The following AP4E1 variants were observed in gnomAD, a reference collection of about 807,000 sequenced individuals.
AP4E1 encodes adaptor related protein complex 4 subunit epsilon 1, also known as AP-4 complex subunit epsilon-1.
Under a neutral mutation model 128.2 loss-of-function variants are expected in AP4E1, and 56 were observed. The ratio of observed to expected loss-of-function variants is 0.44; its 90% confidence interval spans 0.35 to 0.55. The LOEUF (loss-of-function observed/expected upper bound fraction) is 0.55. AP4E1 is among the 20% of genes least tolerant of loss of function. The probability of loss-of-function intolerance (pLI) is 0.00; values close to 1 mark genes in which losing one functional copy is unlikely to be tolerated. For missense variants in AP4E1, 1,324 were observed against 1,307.7 expected (o/e 1.01, Z -0.19); for synonymous variants, 484 against 473.1 (o/e 1.02, Z -0.30).
At chr15:50,914,482 C>G (rs1266380299) in intron 2 of AP4E1, among the ~76,000 whole-genome samples, 1 of 151,904 alleles carries the variant, frequency 6.6e-6, no homozygotes, top group African/African-American at 2.4e-5. Context: ...GAAACCCCAT[C>G]TCTACTAAAT....
intron 16 of AP4E1, 78 bp from the exon 17 acceptor site, chr15:50,993,292 T>G: frequency 6.7e-7 from 1 of 1,482,990 alleles, no homozygotes; most frequent in Non-Finnish European, 9.4e-7. Flanking sequence ...GGCATTGATA[T>G]GTTTTGAAAG....
chr15:50,948,743 C>T (rs1465519886), intron 11 of AP4E1, among the ~76,000 whole-genome samples: 4 of 151,944 alleles, frequency 2.6e-5, no homozygotes, highest in African/African-American at 4.8e-5. Context: ...GAGGCTGAGG[C>T]GGGTGGATCA....
chr15:50,908,684 G>A lies in AP4E1; in HGVS notation c.-95G>A. The A allele has an allele frequency of 7.5e-7, 1 of 1,330,138 alleles. No individual in the cohort carries two copies. Among genetic ancestry groups the A allele is most frequent in the Non-Finnish European group, 9.8e-7 (1 of 1,025,330 alleles). The allele number at this position is 1,330,138 out of a possible 1,614,324, so 82.4% of individuals were successfully genotyped here. On this transcript the variant is annotated 5_prime_UTR_variant, in exon 1 of 21. In the 5' UTR this introduces an upstream ATG that the reference lacks. Coordinates refer to ENST00000261842, the MANE Select transcript of AP4E1 (RefSeq NM_007347.5). Reference sequence around the variant, plus strand: ...AGATTTCTTATTCAAAAAACAGGAAGTGCCTACGGAGGCCGGGCCGGCAGC... The same window carrying A: ...AGATTTCTTATTCAAAAAACAGGAAATGCCTACGGAGGCCGGGCCGGCAGC...
At chr15:50,965,054 T>G (rs969018762) in intron 14 of AP4E1, among the ~76,000 whole-genome samples, 3 of 151,588 alleles carry the variant, frequency 2.0e-5, no homozygotes, top group African/African-American at 7.3e-5. Context: ...TTTACCTTCC[T>G]CCATAAGTAA....
intron 1 of AP4E1, among the ~76,000 whole-genome samples, chr15:50,911,193 A>G (rs186927649): frequency 5.6e-4 from 86 of 152,292 alleles, no homozygotes; most frequent in Middle Eastern, 6.8e-3. Context: ...CCAAAAAAAA[A>G]TGGGGCCAAT....
At chr15:50,970,547 G>A (rs2064464371) in intron 15 of AP4E1, among the ~76,000 whole-genome samples, 1 of 152,150 alleles carries the variant, frequency 6.6e-6, no homozygotes, top group Non-Finnish European at 1.5e-5. Context: ...ATGCTCTGGT[G>A]TTGGGTACAT....
At chr15:50,973,848 G>C (rs1329447323) in intron 15 of AP4E1, among the ~76,000 whole-genome samples, 1 of 152,068 alleles carries the variant, frequency 6.6e-6, no homozygotes, top group African/African-American at 2.4e-5. Flanking sequence ...TCACGTCTTG[G>C]TTATTATGAA....
chr15:50,934,839 A>G lies in AP4E1; in HGVS notation c.943+142A>G, dbSNP rs1275793649. On this transcript the variant is annotated intron_variant, in intron 8 of 20. Coordinates refer to ENST00000261842, the MANE Select transcript of AP4E1 (RefSeq NM_007347.5). The stretch of plus-strand genomic sequence containing the variant: ...AGTTCTTTGGATTATTATTTTTTCA[A>G]TGTAAGCATTTAATTACTGATAGAT... 1.0e-5 allele frequency: 6 copies of G among 596,082 alleles called. No homozygotes were observed. The South Asian group carries it at 1.4e-4, about 14-fold the overall frequency. 36.9% of individuals were successfully genotyped at this position (596,082 alleles called of 1,614,324 possible).
At chr15:50,974,373 C>T (rs1198861696) in intron 15 of AP4E1, among the ~76,000 whole-genome samples, 1 of 151,004 alleles carries the variant, frequency 6.6e-6, no homozygotes, top group Non-Finnish European at 1.5e-5. Flanking sequence ...CTCAAGTGAT[C>T]CTACTGCCTC....
At chr15:50,991,788 G>A (rs919424031) in intron 16 of AP4E1, among the ~76,000 whole-genome samples, 5 of 151,856 alleles carry the variant, frequency 3.3e-5, no homozygotes, top group African/African-American at 1.2e-4. Context: ...AAATCACATT[G>A]ATCATGATTC....
chr15:50,925,343 CA>C, intron 5 of AP4E1, 124 bp downstream of exon 5: 1 of 995,238 alleles, frequency 1.0e-6, no homozygotes, highest in Non-Finnish European at 1.5e-6. Flanking sequence ...AGGAATAATA[CA>C]AAAATCTTCA....
rs1005705320 is a variant in AP4E1 at position 50,925,356 on chromosome 15, T to C, written c.542+137T>C. 3.3e-6 allele frequency: 3 copies of C among 909,956 alleles called. 1 individual carries two copies. In the African/African-American group the frequency reaches 5.0e-5, roughly 15 times the overall value. 56.4% of individuals were successfully genotyped at this position (909,956 alleles called of 1,614,324 possible). A position where few individuals can be genotyped will look rare whatever the true frequency, so the allele number is the denominator to read the frequency against. ...CTAGGAATAATACAAAAATCTTCAA[T>C]AGGATCATCTTTATTTTTATGTGGG... On this transcript the variant is annotated intron_variant, in intron 5 of 20. Transcript: ENST00000261842.
upstream of AP4E1, chr15:50,908,507 G>C (rs572704481): frequency 7.9e-6 from 3 of 380,954 alleles, no homozygotes; most frequent in Non-Finnish European, 1.4e-5. Flanking sequence ...GGTTCTGGGG[G>C]ATTCCGGAAC....
At chr15:50,963,351 CCACCAGTGGA>C (rs1485729360) in intron 14 of AP4E1, among the ~76,000 whole-genome samples, 1 of 152,148 alleles carries the variant, frequency 6.6e-6, no homozygotes, top group Non-Finnish European at 1.5e-5. Context: ...ACCTAAGTGT[CCACCAGTGGA>C]CACATGGATA....
In AP4E1 at chr15:51,002,736, G is replaced by T. The variant is rs1475589118; in HGVS notation, c.*74G>T. On this transcript the variant is annotated 3_prime_UTR_variant, in exon 21 of 21. Transcript: ENST00000261842. ...ATAAACTTATTTACCAAAGTAAAAA[G>T]AACTCATGGTACTTCTAATGAAAAT... 2.6e-6 allele frequency: 4 copies of T among 1,542,388 alleles called. No individual in the cohort carries two copies. In the Admixed American group the frequency reaches 6.9e-5, roughly 27 times the overall value.
chr15:50,986,901 A>G (rs2064733523), intron 16 of AP4E1, among the ~76,000 whole-genome samples: 1 of 152,070 alleles, frequency 6.6e-6, no homozygotes, highest in Non-Finnish European at 1.5e-5. Flanking sequence ...TCCTCCTTGT[A>G]CCTCTGGTAG....
intron 2 of AP4E1, among the ~76,000 whole-genome samples, chr15:50,915,076 A>G (rs1699547792): frequency 6.6e-6 from 1 of 152,218 alleles, no homozygotes; most frequent in Admixed American, 6.5e-5. Context: ...GACAAAGTCT[A>G]CTAAAATTAT....
chr15:50,930,699 ATAAACT>A (rs1419308936), intron 6 of AP4E1, 100 bp from the exon 7 acceptor site: 4 of 1,119,448 alleles, frequency 3.6e-6, no homozygotes, highest in Admixed American at 1.9e-5. Flanking sequence ...AAATGTGAAC[ATAAACT>A]TAAGTATGTA....
chr15:50,944,542 T>C (rs989972277), intron 10 of AP4E1: 2 of 181,320 alleles, frequency 1.1e-5, no homozygotes, highest in Admixed American at 1.2e-4. Flanking sequence ...GGGTGACCTA[T>C]GTATTTTTAG....
Sources: gnomAD v4.1 joint callset for allele counts (sites outside exome capture counted in the v4.1 genomes callset) on GRCh38, gnomAD v4.1.1 for gene constraint, MANE v1.5 for transcripts, NCBI Gene and HGNC (gene_info 2026-07-23, HGNC 2026-07-21) for gene names.